The following NEGR1 variants were observed in gnomAD, a reference collection of about 807,000 sequenced individuals.
The protein encoded by NEGR1 is neuronal growth regulator 1, also known as IgLON family member 4.
NEGR1 carries 10 observed loss-of-function variants against 40.9 expected under a neutral mutation model. The ratio of observed to expected loss-of-function variants is 0.24; its 90% confidence interval spans 0.15 to 0.42. The LOEUF (loss-of-function observed/expected upper bound fraction) is 0.42, where lower values mean the gene tolerates loss of function less well. Among genes scored for constraint, NEGR1 ranks in the 10% least tolerant of loss-of-function variants. NEGR1 has a pLI of 1.00. For synonymous variants in NEGR1, 185 were observed against 166.8 expected (o/e 1.11, Z -0.84); for missense variants, 352 against 438.9 (o/e 0.80, Z 1.77).
At position 71,868,478 on chromosome 1, in the gene NEGR1, ACATAC is replaced by A. The variant is rs1557682690; in HGVS notation, c.409+66596_409+66600del. Among the ~76,000 whole-genome samples, 79 of 80,120 alleles carry A rather than the reference ACATAC, an allele frequency of 9.9e-4. 1 individual carries two copies. The highest frequency in any genetic ancestry group is 3.3e-3 in the African/African-American group (74 of 22,156). The allele number at this position is 80,120 out of a possible 152,430, so 52.6% of individuals were successfully genotyped here. A position where few individuals can be genotyped will look rare whatever the true frequency, so the allele number is the denominator to read the frequency against. ...AGATAGATAGATAGACAGAATACAT[ACATAC>A]ATACATACATACATACATACATACA... On this transcript the variant is annotated intron_variant, in intron 2 of 6. Transcript: ENST00000357731.
At chr1:71,770,227 G>A (rs1273703961) in intron 3 of NEGR1, among the ~76,000 whole-genome samples, 1 of 152,134 alleles carries the variant, frequency 6.6e-6, no homozygotes. Flanking sequence ...TCTAGCCATA[G>A]GACAACTACC....
intron 1 of NEGR1, among the ~76,000 whole-genome samples, chr1:72,049,563 TTTTA>T (rs1246545704): frequency 6.6e-6 from 1 of 151,604 alleles, no homozygotes; most frequent in African/African-American, 2.4e-5. Context: ...TTGCACAAAT[TTTTA>T]TTTGGATACA....
At chr1:72,216,591 C>T (rs1174906326) in intron 1 of NEGR1, among the ~76,000 whole-genome samples, 4 of 150,584 alleles carry the variant, frequency 2.7e-5, no homozygotes, top group Admixed American at 2.0e-4. Flanking sequence ...TTAGGATTTA[C>T]CACATATAAA....
chr1:71,559,019 G>GTGTGTATATATATATATA (rs377263417), intron 6 of NEGR1, among the ~76,000 whole-genome samples: 18 of 114,042 alleles, frequency 1.6e-4, no homozygotes, highest in Non-Finnish European at 3.1e-4. Context: ...CTGTGTGTGT[G>GTGTGTATATATATATATA]TATATATATA....
chr1:71,567,999 T>C (rs1293626888), intron 6 of NEGR1, among the ~76,000 whole-genome samples: 1 of 152,162 alleles, frequency 6.6e-6, no homozygotes, highest in African/African-American at 2.4e-5. Flanking sequence ...ATTTCTGTTG[T>C]TAATAAACCA....
intron 1 of NEGR1, among the ~76,000 whole-genome samples, chr1:72,196,822 G>T (rs181647114): frequency 6.7e-6 from 1 of 150,212 alleles, no homozygotes; most frequent in Non-Finnish European, 1.5e-5. Flanking sequence ...ACAATAAAAG[G>T]ATTTCTGGCA....
chr1:72,248,225 AT>A (rs1311217524), intron 1 of NEGR1, among the ~76,000 whole-genome samples: 2 of 152,094 alleles, frequency 1.3e-5, no homozygotes, highest in African/African-American at 4.8e-5. Flanking sequence ...TAACCAATAG[AT>A]ACTCAGTCTT....
intron 6 of NEGR1, chr1:71,468,343 A>G (rs1387465217): frequency 1.3e-5 from 2 of 151,952 alleles, no homozygotes; most frequent in Non-Finnish European, 2.9e-5. Flanking sequence ...AATCACGCAA[A>G]TATATTTTTT....
intron 1 of NEGR1, among the ~76,000 whole-genome samples, chr1:72,096,581 A>G (rs776427574): frequency 4.6e-5 from 7 of 152,092 alleles, no homozygotes; most frequent in Non-Finnish European, 1.0e-4. Context: ...TTATAGCTTG[A>G]CATTTCAAAA....
chr1:71,519,730 A>T (rs1438982396), intron 6 of NEGR1, among the ~76,000 whole-genome samples: 1 of 21,564 alleles, frequency 4.6e-5, no homozygotes, highest in African/African-American at 2.1e-4. Flanking sequence ...AGAGTATAAT[A>T]AAAAAAAAAA....
At chr1:71,781,624 A>T (rs1366417944) in intron 2 of NEGR1, among the ~76,000 whole-genome samples, 1 of 152,210 alleles carries the variant, frequency 6.6e-6, no homozygotes, top group East Asian at 1.9e-4. Context: ...GAAAAACATC[A>T]GATCAGCATT....
intron 3 of NEGR1, among the ~76,000 whole-genome samples, chr1:71,714,080 C>G (rs1378772681): frequency 6.6e-6 from 1 of 152,140 alleles, no homozygotes; most frequent in African/African-American, 2.4e-5. Flanking sequence ...AATTGACTCA[C>G]AGTTCCACAT....
chr1:71,751,775 A>C (rs1409024248), intron 3 of NEGR1, among the ~76,000 whole-genome samples: 1 of 152,036 alleles, frequency 6.6e-6, no homozygotes, highest in African/African-American at 2.4e-5. Context: ...ATTTTTCCTG[A>C]AGGGAAGGCC....
chr1:72,122,300 G>A (rs766972506), intron 1 of NEGR1, among the ~76,000 whole-genome samples: 3 of 151,950 alleles, frequency 2.0e-5, no homozygotes, highest in Non-Finnish European at 2.9e-5. Flanking sequence ...ATCCCAGAGT[G>A]AGTGAATAAA....
chr1:71,419,468 G>C (rs1646378846), intron 6 of NEGR1, among the ~76,000 whole-genome samples: 1 of 152,004 alleles, frequency 6.6e-6, no homozygotes, highest in Admixed American at 6.6e-5. Context: ...TATGAGTTTT[G>C]CATTAATTAT....
At chr1:72,216,341 T>C (rs959434297) in intron 1 of NEGR1, among the ~76,000 whole-genome samples, 2 of 146,220 alleles carry the variant, frequency 1.4e-5, no homozygotes, top group African/African-American at 5.2e-5. Flanking sequence ...ACCTGCAGGT[T>C]CTGCACATAT....
intron 3 of NEGR1, among the ~76,000 whole-genome samples, chr1:71,739,439 G>A (rs1655145392): frequency 6.6e-6 from 1 of 151,208 alleles, no homozygotes; most frequent in African/African-American, 2.4e-5. Context: ...ATATACAACA[G>A]TCTTACTAGT....
chr1:71,638,999 A>G (rs983905873), intron 4 of NEGR1, among the ~76,000 whole-genome samples: 16 of 151,998 alleles, frequency 1.1e-4, no homozygotes, highest in Admixed American at 2.0e-4. Context: ...AAAATAAAAT[A>G]AAATAAGAAT....
chr1:71,507,913 T>C (rs1262118523), intron 6 of NEGR1, among the ~76,000 whole-genome samples: 1 of 152,158 alleles, frequency 6.6e-6, no homozygotes, highest in Non-Finnish European at 1.5e-5. Flanking sequence ...TTGGATCAAA[T>C]ATTTCCCAAT....
Sources: allele counts gnomAD v4.1 joint callset (sites outside exome capture counted in the v4.1 genomes callset), GRCh38; gene constraint gnomAD v4.1.1; transcripts MANE v1.5; gene names NCBI Gene and HGNC (gene_info 2026-07-23, HGNC 2026-07-21).